Variants in TCF7L2 observed in about 807,000 individuals in gnomAD.
TCF7L2 encodes transcription factor 7-like 2.
A neutral mutation model predicts 77.9 loss-of-function variants in TCF7L2; 23 were observed. The observed-to-expected ratio is 0.30, with a 90% CI of 0.21 to 0.42. The LOEUF (loss-of-function observed/expected upper bound fraction) is 0.42. TCF7L2 is among the 10% of genes least tolerant of loss of function. TCF7L2 has a pLI of 1.00. For synonymous variants in TCF7L2, 413 were observed against 340.2 expected (o/e 1.21, Z -2.36); for missense variants, 654 against 793.1 (o/e 0.82, Z 2.11).
chr10:113,086,344 A>G (rs1380263864), intron 5 of TCF7L2, among the ~76,000 whole-genome samples: 1 of 152,244 alleles, frequency 6.6e-6, no homozygotes, highest in East Asian at 1.9e-4. Flanking sequence ...ATCAGGCATC[A>G]GGCATGGTTG....
chr10:113,042,733 AC>A (rs2052677690), intron 5 of TCF7L2, among the ~76,000 whole-genome samples: 1 of 152,186 alleles, frequency 6.6e-6, no homozygotes, highest in Non-Finnish European at 1.5e-5. Context: ...GAGGATGCAT[AC>A]ACCTTGAGAC....
At chr10:113,071,004 A>G (rs557180105) in intron 5 of TCF7L2, among the ~76,000 whole-genome samples, 3 of 152,166 alleles carry the variant, frequency 2.0e-5, no homozygotes, top group African/African-American at 4.8e-5. Context: ...GGATTTGCCT[A>G]TTCTGGACAT....
chr10:113,143,795 T>C (rs758078857), intron 6 of TCF7L2, 128 bp from the exon 7 acceptor site: 5 of 656,800 alleles, frequency 7.6e-6, no homozygotes, highest in Non-Finnish European at 1.3e-5. Context: ...TTTATAATCA[T>C]GAATGAACCT....
chr10:113,100,251 G>A (rs1195790578), intron 5 of TCF7L2, among the ~76,000 whole-genome samples: 1 of 152,200 alleles, frequency 6.6e-6, no homozygotes, highest in Non-Finnish European at 1.5e-5. Flanking sequence ...AAGTAGCCAG[G>A]AAACAAGTTG....
chr10:112,977,069 C>A (rs1291131849), intron 4 of TCF7L2, among the ~76,000 whole-genome samples: 1 of 151,098 alleles, frequency 6.6e-6, no homozygotes, highest in Non-Finnish European at 1.5e-5. Flanking sequence ...CTGCAGGGGA[C>A]TTCAAAACAA....
At chr10:113,121,716 G>A (rs148558841) in intron 5 of TCF7L2, among the ~76,000 whole-genome samples, 38 of 151,672 alleles carry the variant, frequency 2.5e-4, no homozygotes, top group Non-Finnish European at 5.3e-4. Flanking sequence ...GCACACGTAC[G>A]CACTTGCACA....
At chr10:113,006,959 T>G (rs1248860822) in intron 4 of TCF7L2, among the ~76,000 whole-genome samples, 1 of 152,240 alleles carries the variant, frequency 6.6e-6, no homozygotes, top group Non-Finnish European at 1.5e-5. Context: ...GCCCTTTTCC[T>G]TCCGTCCTTT....
At position 113,089,533 on chromosome 10, in the gene TCF7L2, G is replaced by A. The variant is rs774648538; in HGVS notation, c.552+49407G>A. ...TTACAAAAAGTTGGGGAGCCCTGGT[G>A]TATTGAGGTAGGTCTCGGAGCAGAA... is the stretch of plus-strand genomic sequence containing the variant. On this transcript the variant is annotated intron_variant, in intron 5 of 13. Transcript: ENST00000627217. 96 of 1,613,668 alleles carry A rather than the reference G, an allele frequency of 5.9e-5. 1 individual carries two copies. The highest frequency in any genetic ancestry group is 2.0e-4 in the South Asian group (18 of 91,030).
intron 4 of TCF7L2, 118 bp downstream of exon 4, chr10:112,964,742 G>GTGGTGGTGGTGGTGA: frequency 4.3e-6 from 3 of 696,122 alleles, no homozygotes; most frequent in South Asian, 1.6e-5. Context: ...GATGATGATG[G>GTGGTGGTGGTGGTGA]TGGTGGTGGT....
intron 5 of TCF7L2, among the ~76,000 whole-genome samples, chr10:113,092,868 G>A (rs897083483): frequency 6.6e-6 from 1 of 152,088 alleles, no homozygotes; most frequent in Non-Finnish European, 1.5e-5. Flanking sequence ...CCCTCGGCTG[G>A]GGGGGTTGGT....
rs11302360 is a variant in TCF7L2, at chr10:113,125,243, GAAA to G, written c.553-15931_553-15929del. ...CTTTTTTTAAAAAGAAAAGATTTCAGAAAAAAAAAAAAGTCGTCTTTTTCTTTA... is the reference window on the plus strand; with the variant it reads ...CTTTTTTTAAAAAGAAAAGATTTCAGAAAAAAAAAGTCGTCTTTTTCTTTA... On this transcript the variant is annotated intron_variant, in intron 5 of 13. Coordinates refer to ENST00000627217, the MANE Select transcript of TCF7L2 (RefSeq NM_001146274.2). Among the ~76,000 whole-genome samples, 22 of 146,140 alleles carry G rather than the reference GAAA, an allele frequency of 1.5e-4. 1 individual carries two copies. The highest frequency in any genetic ancestry group is 2.7e-4 in the Admixed American group (4 of 14,768).
At chr10:113,028,013 C>G (rs1030333421) in intron 4 of TCF7L2, among the ~76,000 whole-genome samples, 2 of 152,308 alleles carry the variant, frequency 1.3e-5, no homozygotes, top group Admixed American at 1.3e-4. Context: ...GGACAGAAAG[C>G]CTGCCTTCAT....
chr10:113,073,693 GAA>G (rs766310303), intron 5 of TCF7L2, among the ~76,000 whole-genome samples: 1 of 134,098 alleles, frequency 7.5e-6, no homozygotes, highest in Admixed American at 7.5e-5. Flanking sequence ...CCGTCTTTAA[GAA>G]AAAAAAAAAA....
chr10:113,131,618 G>A (rs147289004), intron 5 of TCF7L2, among the ~76,000 whole-genome samples: 16 of 152,264 alleles, frequency 1.1e-4, no homozygotes, highest in Admixed American at 3.3e-4. Context: ...CTTTGAAAAC[G>A]TAAATTCCCG....
intron 4 of TCF7L2, among the ~76,000 whole-genome samples, chr10:112,967,177 CT>C (rs1168140060): frequency 2.0e-5 from 3 of 152,228 alleles, no homozygotes; most frequent in African/African-American, 7.2e-5. Context: ...AGATATGTTC[CT>C]TTCGCTCCAT....
intron 5 of TCF7L2, among the ~76,000 whole-genome samples, chr10:113,109,845 T>G (rs1346866031): frequency 6.6e-6 from 1 of 152,254 alleles, no homozygotes; most frequent in African/African-American, 2.4e-5. Flanking sequence ...AAACATAATG[T>G]GCATATGGTT....
At chr10:113,138,275 A>G (rs971506725) in intron 5 of TCF7L2, among the ~76,000 whole-genome samples, 2 of 101,390 alleles carry the variant, frequency 2.0e-5, no homozygotes, top group African/African-American at 3.9e-5. Context: ...CCCCCATGGT[A>G]TAGTTTTGAC....
At chr10:113,101,616 G>C (rs12360401) in intron 5 of TCF7L2, among the ~76,000 whole-genome samples, 44,294 of 151,552 alleles carry the variant, frequency 0.29, 6,548 homozygotes, top group Middle Eastern at 0.42. Context: ...GTTGAGGTGG[G>C]CGGATCACAA....
chr10:112,986,502 A>G (rs961608453), intron 4 of TCF7L2, among the ~76,000 whole-genome samples: 7 of 152,166 alleles, frequency 4.6e-5, no homozygotes, highest in Non-Finnish European at 7.3e-5. Flanking sequence ...GGATCTGACT[A>G]AGGGATTAGA....
Sources: allele counts gnomAD v4.1 joint callset (sites outside exome capture counted in the v4.1 genomes callset), GRCh38; gene constraint gnomAD v4.1.1; transcripts MANE v1.5; gene names NCBI Gene and HGNC (gene_info 2026-07-23, HGNC 2026-07-21).